Variants in NMNAT3 observed in about 807,000 individuals in gnomAD.
NMNAT3 encodes the protein nicotinamide/nicotinic acid mononucleotide adenylyltransferase 3.
In NMNAT3, 21 loss-of-function variants were observed where a neutral mutation model predicts 24.8. That is an observed-to-expected ratio of 0.85 (90% CI 0.60 to 1.22). The LOEUF (loss-of-function observed/expected upper bound fraction) is 1.22, where lower values mean the gene tolerates loss of function less well. Ranked by LOEUF, NMNAT3 falls within the 50% of genes most tolerant of loss-of-function variation. The pLI is 0.00. For missense variants in NMNAT3, 387 were observed against 436.6 expected, an observed-to-expected ratio of 0.89 and a Z score of 1.01; for synonymous variants, 136 against 155.2, an observed-to-expected ratio of 0.88 and a Z score of 0.92.
intron 2 of NMNAT3, chr3:139,635,730 A>G (rs983185373): frequency 2.0e-5 from 3 of 152,266 alleles, no homozygotes; most frequent in Non-Finnish European, 4.4e-5. Flanking sequence ...CTGGTAGGAT[A>G]AAGTTTGCTG....
chr3:139,657,170 C>T (rs1372222922), intron 1 of NMNAT3, among the ~76,000 whole-genome samples: 3 of 152,216 alleles, frequency 2.0e-5, no homozygotes, highest in Non-Finnish European at 2.9e-5. Context: ...ATTTCACTTC[C>T]CACTGCCTTT....
At chr3:139,665,244 A>G (rs919977745) in intron 1 of NMNAT3, among the ~76,000 whole-genome samples, 3 of 152,226 alleles carry the variant, frequency 2.0e-5, no homozygotes, top group Non-Finnish European at 4.4e-5. Context: ...ATTGAGGAAG[A>G]AACCACACAG....
intron 1 of NMNAT3, among the ~76,000 whole-genome samples, chr3:139,638,432 G>A (rs2056583911): frequency 6.6e-6 from 1 of 152,196 alleles, no homozygotes; most frequent in Non-Finnish European, 1.5e-5. Flanking sequence ...TGTTGGGAAA[G>A]CATCCTATGC....
At chr3:139,563,653 A>G (rs1269910196) in intron 6 of NMNAT3, among the ~76,000 whole-genome samples, 2 of 152,198 alleles carry the variant, frequency 1.3e-5, no homozygotes, top group South Asian at 2.1e-4. Flanking sequence ...TTTCATGACG[A>G]CAATACCATG....
chr3:139,572,572 G>T (rs1438982123), intron 6 of NMNAT3, among the ~76,000 whole-genome samples: 1 of 152,178 alleles, frequency 6.6e-6, no homozygotes, highest in Non-Finnish European at 1.5e-5. Context: ...AGGGGATACT[G>T]CTGTGAGGGA....
chr3:139,600,565 C>T (rs2054670153), intron 3 of NMNAT3, among the ~76,000 whole-genome samples: 1 of 152,174 alleles, frequency 6.6e-6, no homozygotes, highest in Non-Finnish European at 1.5e-5. Flanking sequence ...ACCTTGGCTT[C>T]CCAAAGTGCT....
chr3:139,639,104 T>C (rs933494661), intron 1 of NMNAT3, among the ~76,000 whole-genome samples: 1 of 152,212 alleles, frequency 6.6e-6, no homozygotes, highest in African/African-American at 2.4e-5. Context: ...CTTAGAACTT[T>C]CTCTCTTACA....
chr3:139,648,046 G>T (rs962554795), intron 1 of NMNAT3, among the ~76,000 whole-genome samples: 4 of 152,196 alleles, frequency 2.6e-5, no homozygotes, highest in Non-Finnish European at 5.9e-5. Context: ...ATATGGTTTG[G>T]CTGTGGTCCC....
At chr3:139,592,551 G>T (rs1221125900) in intron 3 of NMNAT3, among the ~76,000 whole-genome samples, 2 of 152,198 alleles carry the variant, frequency 1.3e-5, no homozygotes, top group African/African-American at 2.4e-5. Flanking sequence ...AGGAAAAAAT[G>T]TTAAGGGCAG....
chr3:139,565,856 A>G (rs1937113632), intron 6 of NMNAT3: 1 of 152,194 alleles, frequency 6.6e-6, no homozygotes, highest in Non-Finnish European at 1.5e-5. Context: ...AGCATGATTT[A>G]TAATCCTTTG....
intron 1 of NMNAT3, among the ~76,000 whole-genome samples, chr3:139,670,572 G>GA (rs1271679691): frequency 2.6e-5 from 4 of 152,212 alleles, no homozygotes; most frequent in Non-Finnish European, 5.9e-5. Context: ...TTAGCCAATT[G>GA]AATGAGTTTA....
intron 1 of NMNAT3, among the ~76,000 whole-genome samples, chr3:139,658,061 C>A (rs2057302705): frequency 6.6e-6 from 1 of 152,064 alleles, no homozygotes; most frequent in South Asian, 2.1e-4. Context: ...CTCAGGGTAG[C>A]CAGTGGACAT....
intron 1 of NMNAT3, among the ~76,000 whole-genome samples, chr3:139,662,285 A>G (rs1040643401): frequency 2.0e-5 from 3 of 151,952 alleles, no homozygotes; most frequent in Non-Finnish European, 4.4e-5. Context: ...CTAATTTGTA[A>G]TCCTGGTTCT....
chr3:139,675,135 T>TACATACACACAC (rs1553766853), intron 1 of NMNAT3, among the ~76,000 whole-genome samples: 1 of 148,228 alleles, frequency 6.7e-6, no homozygotes, highest in East Asian at 2.0e-4. Context: ...CTTTTAAACA[T>TACATACACACAC]ACACACACAC....
intron 6 of NMNAT3, chr3:139,572,266 A>G (rs911590869): frequency 2.0e-5 from 8 of 398,516 alleles, no homozygotes; most frequent in Non-Finnish European, 2.7e-5. Context: ...GAAAGAAGGG[A>G]GAGGCTGATA....
intron 2 of NMNAT3, among the ~76,000 whole-genome samples, chr3:139,629,060 G>T (rs1251188575): frequency 6.6e-6 from 1 of 152,168 alleles, no homozygotes; most frequent in Non-Finnish European, 1.5e-5. Context: ...CATCCCTTAA[G>T]TATAGGCTGA....
At chr3:139,668,447 G>A (rs2057654678) in intron 1 of NMNAT3, among the ~76,000 whole-genome samples, 1 of 152,120 alleles carries the variant, frequency 6.6e-6, no homozygotes, top group African/African-American at 2.4e-5. Flanking sequence ...CAACATTAGA[G>A]GAAATGAAGA....
chr3:139,568,975 C>G (rs1937620805), intron 6 of NMNAT3: 1 of 152,148 alleles, frequency 6.6e-6, no homozygotes, highest in Admixed American at 6.5e-5. Context: ...GTGTGGGAGT[C>G]TAAGTCTCTT....
At chr3:139,573,504 A>T in intron 6 of NMNAT3, 94 bp downstream of exon 6, 1 of 574,624 alleles carries the variant, frequency 1.7e-6, no homozygotes, top group Non-Finnish European at 2.9e-6. Flanking sequence ...GGTTGGACTC[A>T]AGTCCTCTGC....
Sources: gnomAD v4.1 joint callset for allele counts (sites outside exome capture counted in the v4.1 genomes callset) on GRCh38, gnomAD v4.1.1 for gene constraint, MANE v1.5 for transcripts, NCBI Gene and HGNC (gene_info 2026-07-23, HGNC 2026-07-21) for gene names.